PCDHGB2: variants seen among roughly 807,000 people sequenced by gnomAD.
The protein encoded by PCDHGB2 is protocadherin gamma subfamily B, 2, also known as protocadherin gamma-B2.
Under a neutral mutation model 59.3 loss-of-function variants are expected in PCDHGB2, and 55 were observed. The observed-to-expected ratio is 0.93, with a 90% CI of 0.75 to 1.16. The LOEUF (loss-of-function observed/expected upper bound fraction) is 1.16. Ranked by LOEUF, PCDHGB2 falls within the 50% of genes most tolerant of loss-of-function variation. The pLI is 0.00. For missense variants in PCDHGB2, 1,228 were observed against 1,198.5 expected (o/e 1.02, Z -0.36); for synonymous variants, 516 against 512.0 (o/e 1.01, Z -0.11).
chr5:141,480,145 C>A (rs1331658762), intron 1 of PCDHGB2, among the ~76,000 whole-genome samples: 1 of 151,968 alleles, frequency 6.6e-6, no homozygotes, highest in Non-Finnish European at 1.5e-5. Context: ...CAATTATTAG[C>A]CAGCTCCTAG....
intron 1 of PCDHGB2, chr5:141,418,245 A>G: frequency 5.6e-6 from 9 of 1,614,046 alleles, no homozygotes; most frequent in Non-Finnish European, 7.6e-6. Flanking sequence ...GTTAATGACC[A>G]CGCCCCTCAA....
rs2098680935 is a variant in PCDHGB2, at chr5:141,450,471, G to A, written c.2422-44336G>A. 2.0e-5 allele frequency among the ~76,000 whole-genome samples: 3 copies of A among 147,910 alleles called. No homozygotes were observed. In the South Asian group the frequency reaches 6.2e-4, roughly 31 times the overall value. ...GTTTCCTCGTGATTTTATATATAGA[G>A]TTTGTTTGTTTGTTTGTCTGTTTGT... On this transcript the variant is annotated intron_variant, in intron 1 of 3. Transcript: ENST00000522605.
intron 1 of PCDHGB2, among the ~76,000 whole-genome samples, chr5:141,437,450 G>A (rs2097885331): frequency 6.6e-6 from 1 of 152,148 alleles, no homozygotes; most frequent in Non-Finnish European, 1.5e-5. Context: ...GAATGTTGAG[G>A]AGACTATACT....
In PCDHGB2 at chr5:141,492,000, A is replaced by G; in HGVS notation, c.2422-2807A>G. On this transcript the variant is annotated intron_variant, in intron 1 of 3. Transcript: ENST00000522605. The surrounding 1 kb of genome is among the most constrained non-coding windows in gnomAD (Gnocchi z 6.9). Reference sequence around the variant, plus strand: ...TCGAGCTTCCGGTGAATTTCGGGCGATTTCCGCGGGTGTCGGGGGTCCCGG... The same window carrying G: ...TCGAGCTTCCGGTGAATTTCGGGCGGTTTCCGCGGGTGTCGGGGGTCCCGG... 1 of 659,856 alleles carries G rather than the reference A, an allele frequency of 1.5e-6. No homozygotes were observed. The highest frequency in any genetic ancestry group is 3.1e-5 in the South Asian group (1 of 32,438). 40.9% of individuals were successfully genotyped at this position (659,856 alleles called of 1,614,324 possible).
At chr5:141,437,561 C>G (rs1228292384) in intron 1 of PCDHGB2, among the ~76,000 whole-genome samples, 1 of 152,110 alleles carries the variant, frequency 6.6e-6, no homozygotes, top group Non-Finnish European at 1.5e-5. Context: ...TGACATGTAA[C>G]AGAGTATAGC....
intron 1 of PCDHGB2, chr5:141,364,609 G>A (rs759783763): frequency 2.5e-6 from 4 of 1,614,190 alleles, no homozygotes; most frequent in Non-Finnish European, 3.4e-6. Flanking sequence ...TAGACCGGGA[G>A]GAGCTCTGCG....
At chr5:141,399,134 A>G (rs2093758534) in intron 1 of PCDHGB2, 6 of 1,613,856 alleles carry the variant, frequency 3.7e-6, no homozygotes, top group Non-Finnish European at 5.1e-6. Flanking sequence ...ATTCAAGATG[A>G]AAATGACAAT....
At chr5:141,433,257 G>C (rs764036349) in intron 1 of PCDHGB2, 3 of 1,385,416 alleles carry the variant, frequency 2.2e-6, no homozygotes, top group Non-Finnish European at 3.0e-6. Flanking sequence ...GCAGCGGTAC[G>C]ATCATAGCTC....
chr5:141,415,110 C>G (rs1490074484), intron 1 of PCDHGB2: 2 of 1,613,548 alleles, frequency 1.2e-6, no homozygotes, highest in East Asian at 2.2e-5. Flanking sequence ...TCAAGCAAAG[C>G]CTCGTAGTGG....
chr5:141,409,624 G>C lies in PCDHGB2; in HGVS notation c.2421+47068G>C, dbSNP rs747166507. 11 of 1,613,728 alleles carry C rather than the reference G, an allele frequency of 6.8e-6. No homozygotes were observed. The South Asian group carries it at 8.8e-5, about 13-fold the overall frequency. On this transcript the variant is annotated intron_variant, in intron 1 of 3. Transcript: ENST00000522605. The stretch of plus-strand genomic sequence containing the variant: ...CGCCAGGAGCCTCCATTGCGCAAGT[G>C]AGCGCCTCTGACCCGGATTTGGGGC...
chr5:141,403,079 T>A (rs770770660), intron 1 of PCDHGB2: 1 of 1,614,064 alleles, frequency 6.2e-7, no homozygotes, highest in East Asian at 2.2e-5. Context: ...AGAAAAGGGC[T>A]ATATTGTGGG....
intron 1 of PCDHGB2, among the ~76,000 whole-genome samples, chr5:141,492,808 A>C (rs1261752522): frequency 6.6e-6 from 1 of 152,252 alleles, no homozygotes; most frequent in African/African-American, 2.4e-5. Flanking sequence ...CTGGGACTCC[A>C]GTGGCACCAG....
chr5:141,385,325 T>C (rs1781126490), intron 1 of PCDHGB2: 2 of 1,606,594 alleles, frequency 1.2e-6, no homozygotes, highest in Admixed American at 3.4e-5. Flanking sequence ...AGTATTCAGG[T>C]GAGCCCAGCC....
chr5:141,465,440 A>T (rs1478987071), intron 1 of PCDHGB2, among the ~76,000 whole-genome samples: 1 of 152,194 alleles, frequency 6.6e-6, no homozygotes, highest in Non-Finnish European at 1.5e-5. Flanking sequence ...CTTAATGATT[A>T]CCCAAGAAAA....
At chr5:141,509,117 G>A (rs1271574654) in intron 3 of PCDHGB2, among the ~76,000 whole-genome samples, 1 of 152,150 alleles carries the variant, frequency 6.6e-6, no homozygotes, top group Admixed American at 6.5e-5. Flanking sequence ...GCGCTGGTGC[G>A]TGAAGAGAAA....
At chr5:141,392,994 A>T in intron 1 of PCDHGB2, 1 of 1,613,910 alleles carries the variant, frequency 6.2e-7, no homozygotes, top group Non-Finnish European at 8.5e-7. Context: ...GAAGCTGGCG[A>T]AGCACGGAGT....
intron 1 of PCDHGB2, among the ~76,000 whole-genome samples, chr5:141,435,232 G>A (rs1317217213): frequency 6.6e-6 from 1 of 152,062 alleles, no homozygotes; most frequent in Non-Finnish European, 1.5e-5. Context: ...TCAAAGTTCA[G>A]TAATTCTTTC....
At chr5:141,398,983 C>T (rs2093734558) in intron 1 of PCDHGB2, 1 of 1,613,944 alleles carries the variant, frequency 6.2e-7, no homozygotes. Context: ...CAGAACCGGG[C>T]AAATCTTTAG....
intron 1 of PCDHGB2, among the ~76,000 whole-genome samples, chr5:141,430,143 A>C (rs1451633366): frequency 2.0e-5 from 3 of 152,180 alleles, no homozygotes; most frequent in Non-Finnish European, 4.4e-5. Flanking sequence ...TCCATTCAGG[A>C]TCATTCAAGG....
Sources: gnomAD v4.1 joint callset for allele counts (sites outside exome capture counted in the v4.1 genomes callset) on GRCh38, gnomAD v4.1.1 for gene constraint, Gnocchi (gnomAD v3.1) non-coding constraint, MANE v1.5 for transcripts, NCBI Gene and HGNC (gene_info 2026-07-23, HGNC 2026-07-21) for gene names.